Variants in PDGFRL observed in about 807,000 individuals in gnomAD.
PDGFRL encodes the protein platelet-derived growth factor receptor-like protein.
Under a neutral mutation model 37.2 loss-of-function variants are expected in PDGFRL, and 46 were observed. That is an observed-to-expected ratio of 1.24 (90% CI 0.98 to 1.58). PDGFRL has a LOEUF of 1.58. PDGFRL is among the 40% of genes most tolerant of loss of function. The pLI, the probability that PDGFRL is intolerant of heterozygous loss-of-function variation, is 0.00. For missense variants in PDGFRL, 692 were observed against 467.6 expected, an observed-to-expected ratio of 1.48 and a Z score of -4.43; for synonymous variants, 251 against 184.3, an observed-to-expected ratio of 1.36 and a Z score of -2.93.
intron 1 of PDGFRL, among the ~76,000 whole-genome samples, chr8:17,582,867 G>C (rs1170293046): frequency 6.6e-6 from 1 of 152,156 alleles, no homozygotes; most frequent in Non-Finnish European, 1.5e-5. Context: ...AGACTCAGGA[G>C]AATAGAATGG....
rs150195459 is a variant in PDGFRL, at chr8:17,589,458, C to T, written c.56-10C>T. 2.4e-5 allele frequency: 38 copies of T among 1,603,474 alleles called. No individual in the cohort carries two copies. In the African/African-American group the frequency reaches 3.4e-4, roughly 14 times the overall value. ...ACTACAGCGCATTTCTCTCTCCTTA[C>T]GTTTTGCAGTTACTGGCCAACACCT... On this transcript the variant is annotated splice_polypyrimidine_tract_variant and intron_variant, in intron 1 of 5. Coordinates refer to ENST00000251630, the MANE Select transcript of PDGFRL (RefSeq NM_001372073.1).
intron 3 of PDGFRL, among the ~76,000 whole-genome samples, chr8:17,624,583 A>T (rs1223150027): frequency 1.3e-5 from 2 of 152,184 alleles, no homozygotes; most frequent in Non-Finnish European, 2.9e-5. Flanking sequence ...CTGAGGCTCT[A>T]ATTTTTATAC....
intron 1 of PDGFRL, among the ~76,000 whole-genome samples, chr8:17,587,941 A>G (rs1803851860): frequency 6.6e-6 from 1 of 150,560 alleles, no homozygotes; most frequent in African/African-American, 2.5e-5. Context: ...ACAGTCCCCT[A>G]TTCATTCTTG....
Position 17,642,629 on chromosome 8 carries a change from C to T in PDGFRL, c.956C>T (p.Thr319Met), listed in dbSNP as rs764312458. The change falls in exon 6 of 6, where the codon ACG becomes ATG. Residue 319 changes from threonine (T) to methionine (M), a missense_variant. By Grantham distance (81) the Thr-to-Met change is moderately conservative. Transcript: ENST00000251630. The part of the protein sequence containing the change: ...FPGQKDERPV[T>M]IQDTWRLIHR... The stretch of plus-strand genomic sequence containing the variant: ...GTTAAACAGGATGAAAGGCCTGTGA[C>T]GATCCAAGACACTTGGAGGTTGATC... 1.9e-5 allele frequency: 31 copies of T among 1,606,824 alleles called. No individual in the cohort carries two copies. Among genetic ancestry groups the T allele is most frequent in the South Asian group, 5.5e-5 (5 of 90,926 alleles).
chr8:17,603,710 T>C (rs535588223), intron 2 of PDGFRL, among the ~76,000 whole-genome samples: 1 of 152,344 alleles, frequency 6.6e-6, no homozygotes, highest in South Asian at 2.1e-4. Flanking sequence ...GCAAAATAGA[T>C]AAAATCTCTA....
rs546681206 is a variant in PDGFRL, at chr8:17,641,876, TTGA to T, written c.940-732_940-730del. On this transcript the variant is annotated intron_variant, in intron 5 of 5. Transcript: ENST00000251630. ...ACGTGTTGGTCATACTTACAGGACA[TTGA>T]TGATTTTCAATAGAGGTCCCCGCCA... Among the ~76,000 whole-genome samples the T allele has an allele frequency of 2.3e-3, 282 of 122,976 alleles. 2 individuals carry two copies. The highest frequency in any genetic ancestry group is 9.4e-3 in the Middle Eastern group (2 of 212). The allele number at this position is 122,976 out of a possible 152,430, so 80.7% of individuals were successfully genotyped here. A position where few individuals can be genotyped will look rare whatever the true frequency, so the allele number is the denominator to read the frequency against.
chr8:17,582,962 C>A (rs1248441682), intron 1 of PDGFRL, among the ~76,000 whole-genome samples: 1 of 152,114 alleles, frequency 6.6e-6, no homozygotes, highest in Non-Finnish European at 1.5e-5. Flanking sequence ...CAGCTCTAGC[C>A]TTCACTTAAA....
chr8:17,578,548 C>T (rs969108562), intron 1 of PDGFRL, among the ~76,000 whole-genome samples: 15 of 152,172 alleles, frequency 9.9e-5, no homozygotes, highest in Non-Finnish European at 2.1e-4. Flanking sequence ...TATTAAAATG[C>T]TCCTGGCAGG....
intron 5 of PDGFRL, among the ~76,000 whole-genome samples, chr8:17,640,038 G>T (rs1805058623): frequency 6.6e-6 from 1 of 152,114 alleles, no homozygotes; most frequent in African/African-American, 2.4e-5. Context: ...TTCGAGTTCT[G>T]AAGTTCTTTC....
intron 5 of PDGFRL, among the ~76,000 whole-genome samples, chr8:17,637,834 A>T (rs1004871476): frequency 6.6e-5 from 10 of 152,098 alleles, no homozygotes; most frequent in African/African-American, 2.2e-4. Context: ...CATCTCTTCT[A>T]GGTTTTCTAG....
chr8:17,615,865 C>T (rs1193163807), intron 2 of PDGFRL, among the ~76,000 whole-genome samples: 4 of 152,226 alleles, frequency 2.6e-5, no homozygotes, highest in Non-Finnish European at 4.4e-5. Flanking sequence ...GCTATGATTG[C>T]ACCACTGTAC....
At chr8:17,624,863 C>T (rs1410917812) in intron 3 of PDGFRL, among the ~76,000 whole-genome samples, 2 of 152,130 alleles carry the variant, frequency 1.3e-5, no homozygotes, top group Non-Finnish European at 2.9e-5. Flanking sequence ...TGCAGTGAGC[C>T]GAGATGGCAC....
In PDGFRL at chr8:17,616,169, A is replaced by ATTATTTATTTAT. The variant is rs58323480; in HGVS notation, c.354-4851_354-4840dup. Among the ~76,000 whole-genome samples, 1,311 of 144,206 alleles carry ATTATTTATTTAT rather than the reference A, an allele frequency of 9.1e-3. 26 individuals carry two copies. The highest frequency in any genetic ancestry group is 0.07 in the East Asian group (332 of 4,740). The allele number at this position is 144,206 out of a possible 152,430, so 94.6% of individuals were successfully genotyped here. A position where few individuals can be genotyped will look rare whatever the true frequency, so the allele number is the denominator to read the frequency against. Reference sequence around the variant, plus strand: ...TCCATGATTTTATTTTATTATTGTTATTATTTATTTATTTATTTATTTATT... The same window carrying ATTATTTATTTAT: ...TCCATGATTTTATTTTATTATTGTTATTATTTATTTATTTATTTATTTATTTATTTATTTATT... On this transcript the variant is annotated intron_variant, in intron 2 of 5. Transcript: ENST00000251630.
chr8:17,581,343 C>T (rs1195239732), intron 1 of PDGFRL, among the ~76,000 whole-genome samples: 3 of 152,082 alleles, frequency 2.0e-5, no homozygotes, highest in Non-Finnish European at 2.9e-5. Context: ...ATGCGTGGGA[C>T]GGGAGCTGGC....
intron 2 of PDGFRL, among the ~76,000 whole-genome samples, chr8:17,616,425 C>T (rs976109531): frequency 2.0e-5 from 3 of 152,038 alleles, no homozygotes; most frequent in Non-Finnish European, 4.4e-5. Context: ...GATCTCTTGA[C>T]GTCGTGATCC....
chr8:17,604,286 G>A (rs113029412), intron 2 of PDGFRL, among the ~76,000 whole-genome samples: 5,410 of 152,232 alleles, frequency 0.036, 326 homozygotes, highest in African/African-American at 0.12. Context: ...ACATGCACAC[G>A]TATGTTTATA....
At chr8:17,582,793 A>G (rs1293489383) in intron 1 of PDGFRL, among the ~76,000 whole-genome samples, 1 of 152,146 alleles carries the variant, frequency 6.6e-6, no homozygotes, top group Non-Finnish European at 1.5e-5. Context: ...AGCTAAGAAA[A>G]TAAGAGAAAG....
At chr8:17,604,527 T>G (rs940203775) in intron 2 of PDGFRL, among the ~76,000 whole-genome samples, 4 of 151,872 alleles carry the variant, frequency 2.6e-5, no homozygotes, top group Non-Finnish European at 2.9e-5. Context: ...TAGGTAGGAA[T>G]TGAACAACGA....
At position 17,608,679 on chromosome 8, in the gene PDGFRL, GA is replaced by G. The variant is rs1473562777; in HGVS notation, c.354-12366del. 3.9e-5 allele frequency among the ~76,000 whole-genome samples: 6 copies of G among 152,310 alleles called. No individual in the cohort carries two copies. In the East Asian group the frequency reaches 5.8e-4, roughly 15 times the overall value. ...CTAAGTCAGAATGCTTATGAGGGGG[GA>G]AAAAAGACAGAAATAGTCCCAACGA... On this transcript the variant is annotated intron_variant, in intron 2 of 5. Transcript: ENST00000251630.
Sources: gnomAD v4.1 joint callset for allele counts (sites outside exome capture counted in the v4.1 genomes callset) on GRCh38, gnomAD v4.1.1 for gene constraint, MANE v1.5 for transcripts, NCBI Gene and HGNC (gene_info 2026-07-23, HGNC 2026-07-21) for gene names.